SYNE3: variants seen among roughly 807,000 people sequenced by gnomAD.
The protein encoded by SYNE3 is nesprin-3.
In SYNE3, 100 loss-of-function variants were observed where a neutral mutation model predicts 111.2. The observed-to-expected ratio is 0.90, with a 90% CI of 0.77 to 1.06. SYNE3 has a LOEUF of 1.06. SYNE3 is among the 50% of genes least tolerant of loss of function. SYNE3 has a pLI of 0.00. For synonymous variants in SYNE3, 547 were observed against 533.9 expected (o/e 1.02, Z -0.34); for missense variants, 1,160 against 1,240.3 (o/e 0.94, Z 0.97).
Position 95,452,398 on chromosome 14 carries a change from G to A in SYNE3, c.1138-15C>T, listed in dbSNP as rs748392085. ...GCCCGTGTTGCCTGCAGCACATGAC[G>A]ACACCGCAGCGGGAGGTGAGGCTCC... On this transcript the variant is annotated splice_polypyrimidine_tract_variant and intron_variant, in intron 6 of 17. Transcript: ENST00000682763. 24 of 1,599,090 alleles carry A rather than the reference G, an allele frequency of 1.5e-5. No homozygotes were observed. The highest frequency in any genetic ancestry group is 1.8e-5 in the Non-Finnish European group (21 of 1,173,362).
At chr14:95,443,316 C>T in intron 10 of SYNE3, 27 bp from the exon 11 acceptor site, 2 of 1,613,468 alleles carry the variant, frequency 1.2e-6, no homozygotes, top group Non-Finnish European at 1.7e-6. Context: ...AACAGGTAGG[C>T]TAATCTTCCC....
In SYNE3 at chr14:95,485,769, C is replaced by A; in HGVS notation, c.-14-9934G>T. Among the ~76,000 whole-genome samples, 1 of 152,178 alleles carries A rather than the reference C, an allele frequency of 6.6e-6. No homozygotes were observed. The highest frequency in any genetic ancestry group is 1.9e-4 in the East Asian group (1 of 5,186). Reference sequence around the variant, plus strand: ...CCATGGCCACTCCTATGCAGACATCCATCTCAGCCTGGATCCCACTGGACT... The same window carrying A: ...CCATGGCCACTCCTATGCAGACATCAATCTCAGCCTGGATCCCACTGGACT... On this transcript the variant is annotated intron_variant, in intron 1 of 17. Coordinates refer to ENST00000682763, the MANE Select transcript of SYNE3 (RefSeq NM_152592.6). This position sits in a 1 kb window ranked among gnomAD's most constrained non-coding sequence, Gnocchi z 4.3.
intron 9 of SYNE3, 110 bp from the exon 10 acceptor site, chr14:95,444,738 C>T (rs1217801142): frequency 7.4e-7 from 1 of 1,345,892 alleles, no homozygotes. Context: ...AGCTCATGCT[C>T]ATTCAGGCGC....
Position 95,449,972 on chromosome 14 carries a change from G to C in SYNE3, c.1408C>G (p.Pro470Ala). ...QRLLEVTASL[P>A]DLPSLHTFLP... ...AAGGTGTGAAGGGAAGGCAGGTCCG[G>C]CAGGCTGGCAGTGACCTCCAAGAGC... Residue 470 changes from proline (P) to alanine (A), a missense_variant, in exon 8 of 18, where the codon CCG (proline) becomes GCG (alanine). Physicochemically the swap from Pro to Ala is conservative, Grantham distance 27. Coordinates refer to ENST00000682763, the MANE Select transcript of SYNE3 (RefSeq NM_152592.6). 6.4e-7 allele frequency: 1 copy of C among 1,554,736 alleles called. No individual in the cohort carries two copies. Among genetic ancestry groups the C allele is most frequent in the South Asian group, 1.2e-5 (1 of 84,256 alleles).
intron 1 of SYNE3, among the ~76,000 whole-genome samples, chr14:95,490,143 C>T (rs888339360): frequency 2.0e-5 from 3 of 152,204 alleles, no homozygotes; most frequent in Admixed American, 6.5e-5. Flanking sequence ...CTTTTTCTAA[C>T]GGAATCAGTT....
chr14:95,452,018 A>T, intron 7 of SYNE3: 2 of 412,164 alleles, frequency 4.9e-6, no homozygotes, highest in Non-Finnish European at 8.4e-6. Context: ...CTGAGCCACT[A>T]GCCTGGATAA....
chr14:95,483,801 G>A (rs79959036), intron 1 of SYNE3, among the ~76,000 whole-genome samples: 2,464 of 152,282 alleles, frequency 0.016, 30 homozygotes, highest in African/African-American at 0.039. Flanking sequence ...AAAGCCATGC[G>A]GGCTGCAGGG....
At position 95,408,753 on chromosome 14, in the gene SYNE3, C is replaced by A; in HGVS notation, c.*9073G>T. On this transcript the variant is annotated 3_prime_UTR_variant, in exon 18 of 18. Coordinates refer to ENST00000682763, the MANE Select transcript of SYNE3 (RefSeq NM_152592.6). The stretch of plus-strand genomic sequence containing the variant: ...ACACAGCTTCCTCTGTCCGCTTCCT[C>A]CTCCCCAGTAAAACTTCTGGAACAT... 4.9e-6 allele frequency: 1 copy of A among 202,370 alleles called. No individual in the cohort carries two copies. The highest frequency in any genetic ancestry group is 1.0e-5 in the Non-Finnish European group (1 of 98,892). The allele number at this position is 202,370 out of a possible 1,614,324, so 12.5% of individuals were successfully genotyped here.
rs887557208 is a variant in SYNE3, at chr14:95,414,752, C to CTTT, written c.*3073_*3074insAAA. ...ACACACGCCACAGCGCCACCTTTCT[C>CTTT]AAGTAGCACCTTAAAGCTCTGCATG... On this transcript the variant is annotated 3_prime_UTR_variant, in exon 18 of 18. Coordinates refer to ENST00000682763, the MANE Select transcript of SYNE3 (RefSeq NM_152592.6). The CTTT allele has an allele frequency of 3.3e-5, 5 of 151,502 alleles. No homozygotes were observed. Among genetic ancestry groups the CTTT allele is most frequent in the African/African-American group, 4.9e-5 (2 of 40,988 alleles). The allele number at this position is 151,502 out of a possible 1,614,324, so 9.4% of individuals were successfully genotyped here.
At chr14:95,475,505 C>G (rs142885897) in intron 2 of SYNE3, among the ~76,000 whole-genome samples, 173 bp downstream of exon 2, 1 of 152,216 alleles carries the variant, frequency 6.6e-6, no homozygotes, top group South Asian at 2.1e-4. Context: ...CTCCATGACC[C>G]GATCAGAGTC....
intron 4 of SYNE3, among the ~76,000 whole-genome samples, chr14:95,462,232 T>A (rs970053497): frequency 3.9e-5 from 6 of 152,022 alleles, no homozygotes; most frequent in African/African-American, 1.4e-4. Flanking sequence ...TACCCCTCAG[T>A]TCTCCCCATG....
At chr14:95,428,141 G>C (rs1566956943) in intron 17 of SYNE3, among the ~76,000 whole-genome samples, 1 of 152,158 alleles carries the variant, frequency 6.6e-6, no homozygotes, top group Non-Finnish European at 1.5e-5. Context: ...CACAGAAAGA[G>C]GAGGCAAGGA....
chr14:95,468,893 G>T (rs1203279480), intron 2 of SYNE3, among the ~76,000 whole-genome samples: 2 of 152,120 alleles, frequency 1.3e-5, no homozygotes, highest in Non-Finnish European at 2.9e-5. Flanking sequence ...GGCAGCTAAG[G>T]CTTGGTCTCT....
chr14:95,444,800 C>T (rs8007302), intron 9 of SYNE3, among the ~76,000 whole-genome samples, 172 bp from the exon 10 acceptor site: 51,783 of 152,064 alleles, frequency 0.34, 9,072 homozygotes, highest in East Asian at 0.46. Context: ...GGTGCCTCTC[C>T]TTAGGGTCAC....
chr14:95,476,271 C>T (rs1888886372), intron 1 of SYNE3, among the ~76,000 whole-genome samples: 1 of 152,194 alleles, frequency 6.6e-6, no homozygotes, highest in East Asian at 1.9e-4. Flanking sequence ...TGGGCATGGG[C>T]CAAGCTGACA....
At chr14:95,494,566 A>G (rs1451797015) in intron 1 of SYNE3, among the ~76,000 whole-genome samples, 1 of 152,144 alleles carries the variant, frequency 6.6e-6, no homozygotes, top group Non-Finnish European at 1.5e-5. Context: ...ACAGGATTCC[A>G]AAGGGTTGTG....
intron 17 of SYNE3, among the ~76,000 whole-genome samples, chr14:95,429,755 G>T (rs558462060): frequency 2.0e-5 from 3 of 152,214 alleles, no homozygotes; most frequent in Admixed American, 6.5e-5. Flanking sequence ...AACGTCTTCT[G>T]GTCATAGACA....
chr14:95,467,998 G>A lies in SYNE3; in HGVS notation c.145-31C>T, dbSNP rs776448434. The A allele has an allele frequency of 2.1e-5, 33 of 1,590,192 alleles. 1 individual carries two copies. The South Asian group carries it at 3.1e-4, about 15-fold the overall frequency. On this transcript the variant is annotated intron_variant, in intron 2 of 17. Transcript: ENST00000682763. ...GTGGACACACAAGCCAGTTTCCAGGGTTGGCAAAAGGCAGACAGGCACAAC... is the reference window on the plus strand; with the variant it reads ...GTGGACACACAAGCCAGTTTCCAGGATTGGCAAAAGGCAGACAGGCACAAC...
chr14:95,439,351 G>A (rs1230337430), intron 13 of SYNE3, among the ~76,000 whole-genome samples, 189 bp from the exon 14 acceptor site: 1 of 152,238 alleles, frequency 6.6e-6, no homozygotes, highest in Non-Finnish European at 1.5e-5. Flanking sequence ...TGTCATGAAC[G>A]TGCGTACGCC....
Sources: allele counts gnomAD v4.1 joint callset (sites outside exome capture counted in the v4.1 genomes callset), GRCh38; gene constraint gnomAD v4.1.1; non-coding constraint Gnocchi (gnomAD v3.1); transcripts MANE v1.5; gene names NCBI Gene and HGNC (gene_info 2026-07-23, HGNC 2026-07-21).